Variants in AP1G1 observed in about 807,000 individuals in gnomAD.
AP1G1 encodes the protein adaptor related protein complex 1 subunit gamma 1, also known as AP-1 complex subunit gamma-1.
AP1G1 carries 7 observed loss-of-function variants against 108.3 expected under a neutral mutation model. That is an observed-to-expected ratio of 0.06 (90% CI 0.04 to 0.12). The LOEUF (loss-of-function observed/expected upper bound fraction) is 0.12. AP1G1 is among the 10% of genes least tolerant of loss of function. The probability of loss-of-function intolerance (pLI) is 1.00; values close to 1 mark genes in which losing one functional copy is unlikely to be tolerated. For synonymous variants in AP1G1, 379 were observed against 353.5 expected, an observed-to-expected ratio of 1.07 and a Z score of -0.81; for missense variants, 756 against 1,010.7, an observed-to-expected ratio of 0.75 and a Z score of 3.42.
intron 2 of AP1G1, among the ~76,000 whole-genome samples, chr16:71,784,298 T>C (rs770245071): frequency 2.0e-5 from 3 of 152,200 alleles, no homozygotes; most frequent in Non-Finnish European, 4.4e-5. Context: ...TTAAAGATCT[T>C]GCTCAAAGCC....
At chr16:71,787,441 TCA>T (rs2032246183) in intron 2 of AP1G1, among the ~76,000 whole-genome samples, 1 of 151,774 alleles carries the variant, frequency 6.6e-6, no homozygotes, top group South Asian at 2.1e-4. Flanking sequence ...CAGTGAGCCA[TCA>T]CAGAGCCACA....
At chr16:71,807,730 T>C (rs1245505135) in intron 1 of AP1G1, 4 of 1,046,938 alleles carry the variant, frequency 3.8e-6, no homozygotes, top group Non-Finnish European at 5.2e-6. Flanking sequence ...TTAAGGTCAC[T>C]AAGAAAGCAC....
intron 22 of AP1G1, among the ~76,000 whole-genome samples, chr16:71,734,298 A>G (rs932651726): frequency 2.6e-5 from 4 of 152,218 alleles, no homozygotes; most frequent in African/African-American, 9.6e-5. Context: ...ATTTGGTTTC[A>G]ACAAATGCTC....
At chr16:71,785,706 C>A (rs1437841330) in intron 2 of AP1G1, among the ~76,000 whole-genome samples, 3 of 151,522 alleles carry the variant, frequency 2.0e-5, no homozygotes, top group African/African-American at 7.3e-5. Flanking sequence ...ACAGTGAAAT[C>A]CCGTCTCTAC....
intron 10 of AP1G1, among the ~76,000 whole-genome samples, chr16:71,761,068 A>C (rs1402093087): frequency 6.6e-6 from 1 of 152,222 alleles, no homozygotes; most frequent in African/African-American, 2.4e-5. Flanking sequence ...ACTACAGCCC[A>C]CCTGTAAAAC....
At chr16:71,800,461 C>T (rs1246785304) in intron 1 of AP1G1, among the ~76,000 whole-genome samples, 1 of 151,194 alleles carries the variant, frequency 6.6e-6, no homozygotes, top group African/African-American at 2.5e-5. Context: ...GTGGGAGGAT[C>T]ATGTGAGGTC....
chr16:71,770,531 G>A (rs1215612613), intron 5 of AP1G1, among the ~76,000 whole-genome samples: 2 of 152,224 alleles, frequency 1.3e-5, no homozygotes, highest in African/African-American at 4.8e-5. Flanking sequence ...AGGCTATAGT[G>A]CAGTGGTACA....
At chr16:71,796,550 T>C (rs1027665798) in intron 1 of AP1G1, among the ~76,000 whole-genome samples, 1 of 152,148 alleles carries the variant, frequency 6.6e-6, no homozygotes, top group African/African-American at 2.4e-5. Context: ...TACAGTATTA[T>C]TATAACTTAC....
At chr16:71,763,874 A>G (rs1304119111) in intron 9 of AP1G1, among the ~76,000 whole-genome samples, 1 of 152,186 alleles carries the variant, frequency 6.6e-6, no homozygotes, top group Non-Finnish European at 1.5e-5. Flanking sequence ...ATTAATGAGA[A>G]AAAAATGAGG....
At chr16:71,761,816 CAAAAAA>C (rs375647068) in intron 9 of AP1G1, among the ~76,000 whole-genome samples, 4 of 44,872 alleles carry the variant, frequency 8.9e-5, no homozygotes, top group African/African-American at 3.2e-4. Context: ...GACTCCATCT[CAAAAAA>C]AAAAAAAAAA....
intron 1 of AP1G1, among the ~76,000 whole-genome samples, chr16:71,790,100 T>TAA (rs55694135): frequency 6.8e-6 from 1 of 145,998 alleles, no homozygotes. Context: ...CTTTTAAAAG[T>TAA]AAAAAAAAAA....
intron 7 of AP1G1, 34 bp downstream of exon 7, chr16:71,765,455 A>T (rs117456408): frequency 3.4e-6 from 5 of 1,453,338 alleles, no homozygotes; most frequent in Non-Finnish European, 4.8e-6. Flanking sequence ...TTAAATTCAT[A>T]TAACATTTAT....
intron 13 of AP1G1, among the ~76,000 whole-genome samples, chr16:71,751,021 G>T (rs2030469144): frequency 6.6e-6 from 1 of 151,556 alleles, no homozygotes; most frequent in African/African-American, 2.4e-5. Context: ...CCGGGCATGT[G>T]GTGGGTGCTT....
chr16:71,791,728 C>T (rs75394259), intron 1 of AP1G1, among the ~76,000 whole-genome samples: 4,171 of 145,086 alleles, frequency 0.029, 101 homozygotes, highest in Non-Finnish European at 0.05. Flanking sequence ...TATGGTCACA[C>T]GGCTGGGCCT....
rs180711177 is a variant in AP1G1 at position 71,745,818 on chromosome 16, A to G, written c.1731-204T>C. ...AAGGGCAGACAAAAAAATCTTGAAT[A>G]AACAGACTGCCCAGCTAAATCCCAA... is the stretch of plus-strand genomic sequence containing the variant. On this transcript the variant is annotated intron_variant, in intron 17 of 22. Coordinates refer to ENST00000299980, the MANE Select transcript of AP1G1 (RefSeq NM_001128.6). Among the ~76,000 whole-genome samples, 7 of 147,140 alleles carry G rather than the reference A, an allele frequency of 4.8e-5. No individual in the cohort carries two copies. In the East Asian group the frequency reaches 1.2e-3, roughly 25 times the overall value.
At chr16:71,777,033 T>G (rs2031804740) in intron 2 of AP1G1, among the ~76,000 whole-genome samples, 1 of 143,266 alleles carries the variant, frequency 7.0e-6, no homozygotes, top group South Asian at 2.2e-4. Flanking sequence ...GGTTTGAAAT[T>G]TGAAGGCGGG....
rs1172688205 is a variant in AP1G1 at position 71,730,479 on chromosome 16, A to C, written c.*2579T>G. 1 of 152,530 alleles carries C rather than the reference A, an allele frequency of 6.6e-6. No individual in the cohort carries two copies. The highest frequency in any genetic ancestry group is 2.4e-5 in the African/African-American group (1 of 41,442). The allele number at this position is 152,530 out of a possible 1,614,324, so 9.4% of individuals were successfully genotyped here. A position where few individuals can be genotyped will look rare whatever the true frequency, so the allele number is the denominator to read the frequency against. On this transcript the variant is annotated 3_prime_UTR_variant, in exon 23 of 23. Transcript: ENST00000299980. ...ACAATGCCTGTGAAGTCGTAAATCC[A>C]TCCAAATTTGCTCCCCCTTGAGTGG...
In AP1G1 at chr16:71,773,378, G is replaced by C. The variant is rs1257112950; in HGVS notation, c.327-16C>G. The C allele has an allele frequency of 1.3e-6, 2 of 1,484,270 alleles. No individual in the cohort carries two copies. The highest frequency in any genetic ancestry group is 1.8e-6 in the Non-Finnish European group (2 of 1,121,414). 91.9% of individuals were successfully genotyped at this position (1,484,270 alleles called of 1,614,324 possible). A position where few individuals can be genotyped will look rare whatever the true frequency, so the allele number is the denominator to read the frequency against. ...ATTAAGATCACTGCAAAAGAAAAGAGGAAGGTAGGAACAAGCCTGGTGCTC... is the reference window on the plus strand; with the variant it reads ...ATTAAGATCACTGCAAAAGAAAAGACGAAGGTAGGAACAAGCCTGGTGCTC... On this transcript the variant is annotated splice_polypyrimidine_tract_variant and intron_variant, in intron 3 of 22. Coordinates refer to ENST00000299980, the MANE Select transcript of AP1G1 (RefSeq NM_001128.6).
chr16:71,790,227 G>A (rs1200203946), intron 1 of AP1G1, among the ~76,000 whole-genome samples: 1 of 152,106 alleles, frequency 6.6e-6, no homozygotes, highest in African/African-American at 2.4e-5. Context: ...GGGAAATGTG[G>A]AACTAACTGA....
Sources: gnomAD v4.1 joint callset for allele counts (sites outside exome capture counted in the v4.1 genomes callset) on GRCh38, gnomAD v4.1.1 for gene constraint, MANE v1.5 for transcripts, NCBI Gene and HGNC (gene_info 2026-07-23, HGNC 2026-07-21) for gene names.